ZDHHC21: variants seen among roughly 807,000 people sequenced by gnomAD.
ZDHHC21 encodes zDHHC palmitoyltransferase 21.
Under a neutral mutation model 34.6 loss-of-function variants are expected in ZDHHC21, and 15 were observed. The observed-to-expected ratio is 0.43, with a 90% CI of 0.29 to 0.67. ZDHHC21 has a LOEUF of 0.67. Among genes scored for constraint, ZDHHC21 ranks in the 30% least tolerant of loss-of-function variants. The pLI is 0.14. For missense variants in ZDHHC21, 344 were observed against 327.7 expected (o/e 1.05, Z -0.38); for synonymous variants, 142 against 101.8 (o/e 1.40, Z -2.38).
chr9:14,630,991 AC>A (rs1221528801), intron 8 of ZDHHC21, among the ~76,000 whole-genome samples: 1 of 152,212 alleles, frequency 6.6e-6, no homozygotes, highest in Non-Finnish European at 1.5e-5. Flanking sequence ...GCAAATGAGC[AC>A]TGGCTTCAAC....
chr9:14,676,556 G>GT (rs557057973), intron 3 of ZDHHC21, among the ~76,000 whole-genome samples: 154 of 151,986 alleles, frequency 1.0e-3, no homozygotes, highest in African/African-American at 3.5e-3. Flanking sequence ...CCACTTAATA[G>GT]TTTAAATCCG....
intron 8 of ZDHHC21, among the ~76,000 whole-genome samples, chr9:14,621,365 T>C (rs1825274991): frequency 1.3e-5 from 2 of 152,232 alleles, no homozygotes; most frequent in South Asian, 4.1e-4. Flanking sequence ...TTTATAATCC[T>C]GAAGGATTTA....
chr9:14,642,928 T>C (rs922231607), intron 7 of ZDHHC21, among the ~76,000 whole-genome samples: 1 of 151,472 alleles, frequency 6.6e-6, no homozygotes, highest in Non-Finnish European at 1.5e-5. Flanking sequence ...ATAAAACACA[T>C]GTGTTCAGTT....
At chr9:14,659,723 T>C (rs1219321613) in intron 6 of ZDHHC21, among the ~76,000 whole-genome samples, 2 of 152,182 alleles carry the variant, frequency 1.3e-5, no homozygotes, top group Non-Finnish European at 2.9e-5. Context: ...TTTAACTTTG[T>C]CATTAAACCA....
At chr9:14,668,684 C>G (rs1402228691) in intron 5 of ZDHHC21, among the ~76,000 whole-genome samples, 2 of 147,292 alleles carry the variant, frequency 1.4e-5, no homozygotes, top group African/African-American at 2.5e-5. Flanking sequence ...ACAGAGCCCT[C>G]AGAAATAATG....
intron 5 of ZDHHC21, among the ~76,000 whole-genome samples, chr9:14,668,694 G>A (rs1396318263): frequency 2.1e-5 from 3 of 141,944 alleles, no homozygotes; most frequent in East Asian, 4.3e-4. Context: ...CAGAAATAAT[G>A]CCGCATAACT....
the ZDHHC21 span, among the ~76,000 whole-genome samples, chr9:14,599,371 G>A: frequency 6.6e-6 from 1 of 152,170 alleles, no homozygotes; most frequent in African/African-American, 2.4e-5. Context: ...CTTAGCTAAG[G>A]GAAGCTGTGA....
intron 5 of ZDHHC21, among the ~76,000 whole-genome samples, chr9:14,662,874 G>C (rs1305825568): frequency 6.6e-6 from 1 of 152,172 alleles, no homozygotes; most frequent in Non-Finnish European, 1.5e-5. Flanking sequence ...TCATTTAAGA[G>C]TGTGTATGGG....
chr9:14,616,637 A>G lies in ZDHHC21; in HGVS notation c.*2329T>C, dbSNP rs1428250218. ...CCAGTTGGTTTTTCTCTAGTAGTCT[A>G]ATAAGAATTAACAAAACCCACAGGA... On this transcript the variant is annotated 3_prime_UTR_variant, in exon 10 of 10. Transcript: ENST00000380916. 6.6e-6 allele frequency: 1 copy of G among 151,848 alleles called. No homozygotes were observed. The highest frequency in any genetic ancestry group is 2.4e-5 in the African/African-American group (1 of 41,428). The allele number at this position is 151,848 out of a possible 1,614,324, so 9.4% of individuals were successfully genotyped here. A position where few individuals can be genotyped will look rare whatever the true frequency, so the allele number is the denominator to read the frequency against.
At chr9:14,646,110 T>C (rs1043555718) in intron 7 of ZDHHC21, among the ~76,000 whole-genome samples, 2 of 152,142 alleles carry the variant, frequency 1.3e-5, no homozygotes, top group African/African-American at 2.4e-5. Flanking sequence ...CTGCTCACAA[T>C]AGCATTATTT....
At chr9:14,673,958 G>C (rs1203393433) in intron 4 of ZDHHC21, among the ~76,000 whole-genome samples, 2 of 151,886 alleles carry the variant, frequency 1.3e-5, no homozygotes, top group African/African-American at 4.8e-5. Context: ...TAACAAAATG[G>C]TCTTCATGCA....
intron 8 of ZDHHC21, among the ~76,000 whole-genome samples, chr9:14,639,221 A>C (rs768100780): frequency 2.6e-5 from 4 of 152,090 alleles, no homozygotes; most frequent in South Asian, 2.1e-4. Context: ...CATGGATGGA[A>C]CTGGAGGTCA....
chr9:14,673,011 A>G (rs1388494610), intron 4 of ZDHHC21, 83 bp from the exon 5 acceptor site: 13 of 866,666 alleles, frequency 1.5e-5, no homozygotes, highest in South Asian at 2.6e-5. Flanking sequence ...TTTAAAATGT[A>G]TATTTTAACA....
chr9:14,661,017 G>T (rs1168137342), intron 6 of ZDHHC21, among the ~76,000 whole-genome samples: 1 of 152,040 alleles, frequency 6.6e-6, no homozygotes, highest in Non-Finnish European at 1.5e-5. Context: ...AATTACTTGG[G>T]AATTAATCTT....
At chr9:14,691,991 C>T (rs1474965864) in intron 1 of ZDHHC21, among the ~76,000 whole-genome samples, 1 of 152,154 alleles carries the variant, frequency 6.6e-6, no homozygotes, top group Non-Finnish European at 1.5e-5. Context: ...TACCTGTAAA[C>T]CCACAGCTGG....
chr9:14,663,345 T>C (rs1259213811), intron 5 of ZDHHC21, among the ~76,000 whole-genome samples: 4 of 152,072 alleles, frequency 2.6e-5, no homozygotes, highest in Admixed American at 6.5e-5. Flanking sequence ...TTTTAGTACA[T>C]GAAGAGTAGG....
downstream of ZDHHC21, among the ~76,000 whole-genome samples, chr9:14,610,861 A>C (rs1823199257): frequency 6.6e-6 from 1 of 152,018 alleles, no homozygotes; most frequent in Non-Finnish European, 1.5e-5. Context: ...TGCGTTTGTC[A>C]ATTTCAGCCC....
chr9:14,671,248 C>G (rs1835388580), intron 5 of ZDHHC21, among the ~76,000 whole-genome samples: 1 of 151,918 alleles, frequency 6.6e-6, no homozygotes, highest in Non-Finnish European at 1.5e-5. Context: ...TTGTTTGACC[C>G]TCAGAAAGGA....
intron 3 of ZDHHC21, chr9:14,677,245 T>C (rs767330596): frequency 6.6e-6 from 1 of 151,784 alleles, no homozygotes; most frequent in Non-Finnish European, 1.5e-5. Context: ...GAGCACAGGA[T>C]AGAAAAATAA....
Sources: gnomAD v4.1 joint callset for allele counts (sites outside exome capture counted in the v4.1 genomes callset) on GRCh38, gnomAD v4.1.1 for gene constraint, MANE v1.5 for transcripts, NCBI Gene and HGNC (gene_info 2026-07-23, HGNC 2026-07-21) for gene names.